The following KCNJ12 variants were observed in gnomAD, a reference collection of about 807,000 sequenced individuals.
KCNJ12 encodes the protein ATP-sensitive inward rectifier potassium channel 12.
KCNJ12 carries 2 observed loss-of-function variants against 22.3 expected under a neutral mutation model. The ratio of observed to expected loss-of-function variants is 0.09; its 90% confidence interval spans 0.04 to 0.28. The LOEUF is 0.28. KCNJ12 is among the 10% of genes least tolerant of loss of function. KCNJ12 has a pLI of 1.00. For missense variants in KCNJ12, 155 were observed against 633.3 expected, an observed-to-expected ratio of 0.24 and a Z score of 8.11; for synonymous variants, 117 against 261.4, an observed-to-expected ratio of 0.45 and a Z score of 5.33.
At chr17:21,402,930 G>C (rs1265631711) in intron 1 of KCNJ12, among the ~76,000 whole-genome samples, 2 of 152,294 alleles carry the variant, frequency 1.3e-5, no homozygotes, top group African/African-American at 4.8e-5. Flanking sequence ...TCAGACTGGT[G>C]ACCTTGGGCA....
intron 2 of KCNJ12, among the ~76,000 whole-genome samples, chr17:21,412,433 C>A (rs1361499766): frequency 1.7e-3 from 265 of 151,870 alleles, no homozygotes; most frequent in African/African-American, 6.1e-3. Context: ...CTGTTCCTTG[C>A]AGGCTTTGAG....
intron 1 of KCNJ12, among the ~76,000 whole-genome samples, chr17:21,408,162 T>G (rs1162847679): frequency 6.6e-6 from 1 of 152,300 alleles, no homozygotes; most frequent in African/African-American, 2.4e-5. Flanking sequence ...CCACATTAAC[T>G]ACTTCTCTGG....
chr17:21,379,411 C>T (rs1485174591), intron 1 of KCNJ12, among the ~76,000 whole-genome samples: 1 of 152,228 alleles, frequency 6.6e-6, no homozygotes, highest in Non-Finnish European at 1.5e-5. Flanking sequence ...ACCCCCCCTG[C>T]TCCCAGGCCC....
At chr17:21,388,370 G>T (rs1272960433) in intron 1 of KCNJ12, among the ~76,000 whole-genome samples, 5 of 152,178 alleles carry the variant, frequency 3.3e-5, no homozygotes, top group African/African-American at 1.2e-4. Context: ...CGAGAGTGTG[G>T]CTCCTCACTG....
At chr17:21,401,409 C>A (rs1905617511) in intron 1 of KCNJ12, among the ~76,000 whole-genome samples, 1 of 152,280 alleles carries the variant, frequency 6.6e-6, no homozygotes, top group African/African-American at 2.4e-5. Flanking sequence ...GGCTGGAACC[C>A]TCCTGCTGGC....
At position 21,416,674 on chromosome 17, in the gene KCNJ12, C is replaced by T. The variant is rs781929659; in HGVS notation, c.*30C>T. On this transcript the variant is annotated 3_prime_UTR_variant, in exon 3 of 3. Transcript: ENST00000583088. ...ACCTTGGCCGACATGCAGCATCCACCCCCGGCTGGGGAGAGGCCCCGCGGT... is the reference window on the plus strand; with the variant it reads ...ACCTTGGCCGACATGCAGCATCCACTCCCGGCTGGGGAGAGGCCCCGCGGT... 7.7e-6 allele frequency: 12 copies of T among 1,557,074 alleles called. No individual in the cohort carries two copies. The highest frequency in any genetic ancestry group is 1.0e-5 in the Non-Finnish European group (12 of 1,153,116).
chr17:21,392,804 G>A (rs542985253), intron 1 of KCNJ12, among the ~76,000 whole-genome samples: 1 of 152,372 alleles, frequency 6.6e-6, no homozygotes, highest in South Asian at 2.1e-4. Flanking sequence ...AAGGCCTGAA[G>A]GTGGGTGTGG....
chr17:21,396,675 G>A (rs1383491488), intron 1 of KCNJ12, among the ~76,000 whole-genome samples: 1 of 152,200 alleles, frequency 6.6e-6, no homozygotes, highest in African/African-American at 2.4e-5. Flanking sequence ...TGAGGATGAC[G>A]ACAAGAGGAT....
intron 1 of KCNJ12, among the ~76,000 whole-genome samples, chr17:21,385,665 A>C (rs781829865): frequency 8.5e-5 from 13 of 152,180 alleles, no homozygotes; most frequent in Non-Finnish European, 1.5e-4. Context: ...TTTCCTCTGC[A>C]GGGTGGAGGC....
intron 2 of KCNJ12, among the ~76,000 whole-genome samples, chr17:21,410,488 C>G (rs1291967664): frequency 6.6e-6 from 1 of 152,260 alleles, no homozygotes; most frequent in African/African-American, 2.4e-5. Context: ...CGCCAGCCTT[C>G]CCTGCATTGA....
At chr17:21,390,247 G>T (rs1293478304) in intron 1 of KCNJ12, among the ~76,000 whole-genome samples, 1 of 152,252 alleles carries the variant, frequency 6.6e-6, no homozygotes, top group East Asian at 1.9e-4. Context: ...CTGTCTCAAG[G>T]CTCCCTCCCT....
Position 21,416,753 on chromosome 17 carries a change from C to T in KCNJ12, c.*109C>T. 6.9e-7 allele frequency: 1 copy of T among 1,438,898 alleles called. No individual in the cohort carries two copies. Among genetic ancestry groups the T allele is most frequent in the African/African-American group, 1.4e-5 (1 of 69,548 alleles). The allele number at this position is 1,438,898 out of a possible 1,614,324, so 89.1% of individuals were successfully genotyped here. ...CGGGCCCAGTGCCCTGGGTTGCAGA[C>T]TCAGTAGCGTTTTAGTCGTTTTATG... On this transcript the variant is annotated 3_prime_UTR_variant, in exon 3 of 3. Coordinates refer to ENST00000583088, the MANE Select transcript of KCNJ12 (RefSeq NM_021012.5).
At chr17:21,395,808 G>C (rs1905344475) in intron 1 of KCNJ12, among the ~76,000 whole-genome samples, 1 of 152,196 alleles carries the variant, frequency 6.6e-6, no homozygotes, top group African/African-American at 2.4e-5. Flanking sequence ...AGTGGCAGAG[G>C]TCAGGTAGAG....
At chr17:21,395,486 C>G (rs183276551) in intron 1 of KCNJ12, among the ~76,000 whole-genome samples, 2 of 128,408 alleles carry the variant, frequency 1.6e-5, no homozygotes, top group Admixed American at 2.0e-4. Context: ...GAGGCTGAGG[C>G]AGGAGAGTTG....
intron 1 of KCNJ12, among the ~76,000 whole-genome samples, chr17:21,393,631 G>A (rs1289581325): frequency 6.6e-6 from 1 of 152,220 alleles, no homozygotes; most frequent in East Asian, 1.9e-4. Context: ...TGAGTCCTGG[G>A]GCTCCACCTC....
At chr17:21,397,018 T>A (rs1336659530) in intron 1 of KCNJ12, among the ~76,000 whole-genome samples, 2 of 152,210 alleles carry the variant, frequency 1.3e-5, no homozygotes, top group Non-Finnish European at 2.9e-5. Flanking sequence ...GCAAGTGTGT[T>A]TAGCTCTCTG....
At chr17:21,394,126 C>T (rs1046083061) in intron 1 of KCNJ12, among the ~76,000 whole-genome samples, 3 of 151,910 alleles carry the variant, frequency 2.0e-5, no homozygotes, top group Admixed American at 1.3e-4. Flanking sequence ...GATCTCGTCA[C>T]GTGTCAATGA....
intron 1 of KCNJ12, among the ~76,000 whole-genome samples, chr17:21,401,039 A>C (rs1201323437): frequency 5.3e-5 from 8 of 152,282 alleles, no homozygotes; most frequent in Admixed American, 2.6e-4. Flanking sequence ...GAAGTTGATG[A>C]TTTTTCCCCC....
At chr17:21,388,948 CA>C (rs1905142308) in intron 1 of KCNJ12, among the ~76,000 whole-genome samples, 1 of 152,216 alleles carries the variant, frequency 6.6e-6, no homozygotes, top group African/African-American at 2.4e-5. Flanking sequence ...CTTGGAATGG[CA>C]GCGCTGGGCA....
Sources: allele counts gnomAD v4.1 joint callset (sites outside exome capture counted in the v4.1 genomes callset), GRCh38; gene constraint gnomAD v4.1.1; transcripts MANE v1.5; gene names NCBI Gene and HGNC (gene_info 2026-07-23, HGNC 2026-07-21).